The following LIPI variants were observed in gnomAD, a reference collection of about 807,000 sequenced individuals.
LIPI encodes the protein lipase I.
Under a neutral mutation model 50.6 loss-of-function variants are expected in LIPI, and 59 were observed. The observed-to-expected ratio is 1.16, with a 90% CI of 0.94 to 1.45. The LOEUF (loss-of-function observed/expected upper bound fraction) is 1.45, where lower values mean the gene tolerates loss of function less well. Among genes scored for constraint, LIPI ranks in the 40% most tolerant of loss-of-function variants. The pLI is 0.00. For missense variants in LIPI, 586 were observed against 536.3 expected, an observed-to-expected ratio of 1.09 and a Z score of -0.92; for synonymous variants, 203 against 178.2, an observed-to-expected ratio of 1.14 and a Z score of -1.11.
In LIPI at chr21:14,185,276, G is replaced by A. The variant is rs183945464; in HGVS notation, c.541+685C>T. Reference sequence around the variant, plus strand: ...TGTAGCATTCAAGTAAAAATTTTTAGAGAGTTGAAATGCATCAAAGTTTGT... The same window carrying A: ...TGTAGCATTCAAGTAAAAATTTTTAAAGAGTTGAAATGCATCAAAGTTTGT... On this transcript the variant is annotated intron_variant, in intron 3 of 9. Transcript: ENST00000681601. 3.1e-3 allele frequency among the ~76,000 whole-genome samples: 467 copies of A among 152,284 alleles called. 2 individuals carry two copies. Among genetic ancestry groups the A allele is most frequent in the African/African-American group, 0.011 (451 of 41,564 alleles).
chr21:14,206,742 C>T (rs1333900558), intron 1 of LIPI: 2 of 860,804 alleles, frequency 2.3e-6, no homozygotes, highest in East Asian at 5.3e-5. Flanking sequence ...TCATGGCAAG[C>T]CCAGTGTTGT....
chr21:14,206,112 C>A (rs1444781126), intron 1 of LIPI, among the ~76,000 whole-genome samples: 1 of 152,108 alleles, frequency 6.6e-6, no homozygotes, highest in African/African-American at 2.4e-5. Flanking sequence ...CCAGCATTCT[C>A]TCTGAAACAT....
chr21:14,181,361 G>T (rs956103700), intron 4 of LIPI, among the ~76,000 whole-genome samples: 1 of 152,122 alleles, frequency 6.6e-6, no homozygotes, highest in Admixed American at 6.6e-5. Flanking sequence ...GCTGTGTTCA[G>T]TTCTAGTCGA....
At chr21:14,161,023 G>T (rs909943441) in intron 7 of LIPI, among the ~76,000 whole-genome samples, 1 of 151,000 alleles carries the variant, frequency 6.6e-6, no homozygotes, top group African/African-American at 2.4e-5. Flanking sequence ...ATTTTAATTG[G>T]GATAATGTAA....
At chr21:14,174,240 G>A (rs1243967765) in intron 4 of LIPI, among the ~76,000 whole-genome samples, 1 of 152,182 alleles carries the variant, frequency 6.6e-6, no homozygotes. Flanking sequence ...ATCAGATTGG[G>A]TGGGGGGCAG....
chr21:14,181,526 T>A (rs1019793759), intron 4 of LIPI, among the ~76,000 whole-genome samples: 1 of 152,138 alleles, frequency 6.6e-6, no homozygotes, highest in Non-Finnish European at 1.5e-5. Flanking sequence ...TAGGATGACA[T>A]GACACATCTT....
At chr21:14,151,450 C>G (rs6516634) in intron 8 of LIPI, among the ~76,000 whole-genome samples, 115,789 of 152,076 alleles carry the variant, frequency 0.76, 44,322 homozygotes, top group Middle Eastern at 0.89. Context: ...GTTGGAAATA[C>G]CAACCATGCT....
intron 6 of LIPI, 113 bp from the exon 7 acceptor site, chr21:14,163,636 T>C: frequency 4.5e-6 from 3 of 668,816 alleles, no homozygotes; most frequent in Non-Finnish European, 8.2e-6. Context: ...ATGATCATCA[T>C]GGATTTTGAT....
intron 9 of LIPI, among the ~76,000 whole-genome samples, chr21:14,121,926 G>C (rs2123340186): frequency 6.6e-6 from 1 of 152,346 alleles, no homozygotes; most frequent in Non-Finnish European, 1.5e-5. Context: ...CCCTGCTCTA[G>C]TCACACAACA....
In LIPI at chr21:14,207,627, A is replaced by T. The variant is rs1055753121; in HGVS notation, c.46+3173T>A. Among the ~76,000 whole-genome samples the T allele has an allele frequency of 4.6e-5, 7 of 152,328 alleles. No homozygotes were observed. The East Asian group carries it at 1.2e-3, about 25-fold the overall frequency. ...AATGACTGGGTACATCAGAATTTTC[A>T]GAATGTAATTTCCTGGGGCCAACCC... On this transcript the variant is annotated intron_variant, in intron 1 of 9. Transcript: ENST00000681601.
At chr21:14,128,144 TCA>T (rs985487176) in intron 9 of LIPI, among the ~76,000 whole-genome samples, 20 of 152,078 alleles carry the variant, frequency 1.3e-4, no homozygotes, top group African/African-American at 4.8e-4. Context: ...AGACACTGTG[TCA>T]TATAATGTAA....
intron 8 of LIPI, among the ~76,000 whole-genome samples, chr21:14,147,627 T>C (rs1357848390): frequency 6.6e-6 from 1 of 152,164 alleles, no homozygotes; most frequent in Admixed American, 6.5e-5. Context: ...CAGATCCGGG[T>C]CTATAGAAGA....
chr21:14,181,009 T>A lies in LIPI; in HGVS notation c.643+749A>T, dbSNP rs114201703. Among the ~76,000 whole-genome samples, 888 of 152,310 alleles carry A rather than the reference T, an allele frequency of 5.8e-3. 8 individuals are homozygous for A. Among genetic ancestry groups the A allele is most frequent in the Middle Eastern group, 0.031 (9 of 294 alleles). ...AACATATGATTTCAAATTCTGACTCTGCCATTTACTGACCTTACAACCTTT... is the reference window on the plus strand; with the variant it reads ...AACATATGATTTCAAATTCTGACTCAGCCATTTACTGACCTTACAACCTTT... On this transcript the variant is annotated intron_variant, in intron 4 of 9. Coordinates refer to ENST00000681601, the MANE Select transcript of LIPI (RefSeq NM_001302998.2).
intron 9 of LIPI, among the ~76,000 whole-genome samples, chr21:14,121,178 G>A (rs979304430): frequency 1.3e-5 from 2 of 152,106 alleles, no homozygotes; most frequent in African/African-American, 2.4e-5. Flanking sequence ...CTTTAGGCTC[G>A]GACAACAGAC....
At chr21:14,152,471 G>C (rs1037992165) in intron 8 of LIPI, 102 bp downstream of exon 8, 1 of 648,880 alleles carries the variant, frequency 1.5e-6, no homozygotes, top group African/African-American at 1.8e-5. Flanking sequence ...AGACTCTCTA[G>C]ATTAAAAAAT....
chr21:14,191,295 G>T (rs369922), intron 1 of LIPI, among the ~76,000 whole-genome samples: 74,808 of 147,522 alleles, frequency 0.51, 19,368 homozygotes, highest in Non-Finnish European at 0.55. Flanking sequence ...GAGAATGGCG[G>T]GAACCCGGGA....
chr21:14,170,487 C>G (rs1410046135), intron 4 of LIPI, among the ~76,000 whole-genome samples: 1 of 152,150 alleles, frequency 6.6e-6, no homozygotes, highest in Non-Finnish European at 1.5e-5. Flanking sequence ...CAAACCGAAT[C>G]CAGCAGCACA....
At chr21:14,205,556 A>C (rs427098) in intron 1 of LIPI, among the ~76,000 whole-genome samples, 105,945 of 151,120 alleles carry the variant, frequency 0.7, 37,912 homozygotes, top group African/African-American at 0.83. Context: ...ACCTCCCCCC[A>C]CACACACATC....
chr21:14,125,939 T>C (rs2017047069), intron 9 of LIPI, among the ~76,000 whole-genome samples: 1 of 152,086 alleles, frequency 6.6e-6, no homozygotes, highest in Non-Finnish European at 1.5e-5. Context: ...GCAGAGATCA[T>C]CATCATTTTT....
Sources: allele counts gnomAD v4.1 joint callset (sites outside exome capture counted in the v4.1 genomes callset), GRCh38; gene constraint gnomAD v4.1.1; transcripts MANE v1.5; gene names NCBI Gene and HGNC (gene_info 2026-07-23, HGNC 2026-07-21).